ROBO2: variants seen among roughly 807,000 people sequenced by gnomAD.
ROBO2 encodes roundabout homolog 2.
ROBO2 carries 53 observed loss-of-function variants against 160.8 expected under a neutral mutation model. That is an observed-to-expected ratio of 0.33 (90% confidence interval 0.26 to 0.41). The LOEUF is 0.41. Among genes scored for constraint, ROBO2 ranks in the 10% least tolerant of loss-of-function variants. ROBO2 has a pLI of 1.00. For missense variants in ROBO2, 1,577 were observed against 1,722.4 expected (o/e 0.92, Z 1.49); for synonymous variants, 664 against 611.7 (o/e 1.09, Z -1.26).
intron 2 of ROBO2, among the ~76,000 whole-genome samples, chr3:77,406,143 G>A (rs1265703129): frequency 4.6e-5 from 7 of 152,168 alleles, no homozygotes; most frequent in African/African-American, 1.7e-4. Flanking sequence ...ATGGCTGCAG[G>A]CAAGAGAGGA....
intron 2 of ROBO2, among the ~76,000 whole-genome samples, chr3:76,924,933 G>A (rs1481771574): frequency 6.6e-6 from 1 of 152,242 alleles, no homozygotes; most frequent in South Asian, 2.1e-4. Flanking sequence ...TTGCGGCCGG[G>A]CGCGGTGGCT....
At chr3:75,999,376 T>C (rs1432308330) in intron 2 of ROBO2, among the ~76,000 whole-genome samples, 1 of 152,184 alleles carries the variant, frequency 6.6e-6, no homozygotes, top group Non-Finnish European at 1.5e-5. Flanking sequence ...TTATTTCTAT[T>C]TAACATACTT....
intron 2 of ROBO2, among the ~76,000 whole-genome samples, chr3:77,431,876 G>C (rs2078811131): frequency 6.6e-6 from 1 of 152,116 alleles, no homozygotes; most frequent in Non-Finnish European, 1.5e-5. Context: ...AATAACGTAA[G>C]TATGTTGCTT....
intron 2 of ROBO2, among the ~76,000 whole-genome samples, chr3:76,149,092 G>T (rs543941704): frequency 8.6e-5 from 13 of 150,738 alleles, no homozygotes; most frequent in East Asian, 3.9e-4. Flanking sequence ...GTTTTTTTTT[G>T]TGTGTGTGTG....
Position 76,323,138 on chromosome 3 carries a change from TACACAC to T in ROBO2, c.109+385569_109+385574del, listed in dbSNP as rs71874425. Among the ~76,000 whole-genome samples the T allele has an allele frequency of 2.9e-3, 413 of 144,022 alleles. 1 individual carries two copies. Among genetic ancestry groups the T allele is most frequent in the African/African-American group, 7.6e-3 (294 of 38,558 alleles). 94.5% of individuals were successfully genotyped at this position (144,022 alleles called of 152,430 possible). On this transcript the variant is annotated intron_variant, in intron 2 of 26. Coordinates refer to the ROBO2 transcript ENST00000487694. The stretch of plus-strand genomic sequence containing the variant: ...CAAATCTTTTACTTATTGTTAGTAT[TACACAC>T]ACACACACACACACACACACACACA...
chr3:76,482,432 C>G (rs1398277246), intron 2 of ROBO2, among the ~76,000 whole-genome samples: 2 of 152,116 alleles, frequency 1.3e-5, no homozygotes, highest in Non-Finnish European at 2.9e-5. Flanking sequence ...TAAGCCCTTA[C>G]TTTTGCAACA....
chr3:76,135,084 C>T (rs1316540900), intron 2 of ROBO2, among the ~76,000 whole-genome samples: 3 of 151,982 alleles, frequency 2.0e-5, no homozygotes, highest in Non-Finnish European at 4.4e-5. Flanking sequence ...TGGAGTTCCC[C>T]TCCAGCTGGT....
At chr3:76,778,179 G>A (rs1055462723) in intron 2 of ROBO2, among the ~76,000 whole-genome samples, 5 of 151,060 alleles carry the variant, frequency 3.3e-5, no homozygotes, top group Non-Finnish European at 5.9e-5. Context: ...AGACATTGGA[G>A]GCCATATGTC....
intron 2 of ROBO2, among the ~76,000 whole-genome samples, chr3:77,350,588 C>CT (rs968954052): frequency 2.0e-5 from 3 of 152,016 alleles, no homozygotes; most frequent in Non-Finnish European, 2.9e-5. Context: ...GAAGGACAGA[C>CT]TTTTTTTTCT....
intron 2 of ROBO2, among the ~76,000 whole-genome samples, chr3:76,939,691 A>G (rs926320855): frequency 3.9e-5 from 6 of 152,042 alleles, no homozygotes; most frequent in Admixed American, 1.3e-4. Context: ...AGCTGAGGCA[A>G]GAGAATTACT....
intron 2 of ROBO2, among the ~76,000 whole-genome samples, chr3:75,972,808 C>A (rs1471694234): frequency 6.6e-6 from 1 of 151,546 alleles, no homozygotes; most frequent in Non-Finnish European, 1.5e-5. Context: ...AGTTTGAAAA[C>A]CACTGCTGTG....
chr3:76,657,782 A>G (rs192149878), intron 2 of ROBO2, among the ~76,000 whole-genome samples: 16 of 147,710 alleles, frequency 1.1e-4, no homozygotes, highest in Admixed American at 4.8e-4. Context: ...AGGTATGTGT[A>G]TATATATGTT....
intron 2 of ROBO2, among the ~76,000 whole-genome samples, chr3:76,250,284 T>TA (rs1315230100): frequency 2.6e-5 from 4 of 152,104 alleles, no homozygotes; most frequent in African/African-American, 9.7e-5. Context: ...AATAATAGTT[T>TA]ACTGAGATTA....
chr3:76,217,637 A>G (rs962288238), intron 2 of ROBO2, among the ~76,000 whole-genome samples: 1 of 152,130 alleles, frequency 6.6e-6, no homozygotes, highest in South Asian at 2.1e-4. Flanking sequence ...TCTGAATAGA[A>G]CAATAACAGG....
intron 2 of ROBO2, among the ~76,000 whole-genome samples, chr3:75,946,598 G>T (rs1948302499): frequency 6.6e-6 from 1 of 152,052 alleles, no homozygotes; most frequent in Non-Finnish European, 1.5e-5. Flanking sequence ...TCTCTCTGAG[G>T]AGGTAATATT....
At chr3:76,454,966 A>G (rs1054218630) in intron 2 of ROBO2, among the ~76,000 whole-genome samples, 2 of 152,138 alleles carry the variant, frequency 1.3e-5, no homozygotes, top group Non-Finnish European at 2.9e-5. Flanking sequence ...AATTGAGAAT[A>G]TTCATTTGGT....
rs182161297 is a variant in ROBO2 at position 75,960,302 on chromosome 3, A to G, written c.109+22700A>G. 1.4e-4 allele frequency among the ~76,000 whole-genome samples: 21 copies of G among 151,916 alleles called. No individual in the cohort carries two copies. The East Asian group carries it at 2.2e-3, about 16-fold the overall frequency. The stretch of plus-strand genomic sequence containing the variant: ...AAAACTTAACATTTCACAATGCTCA[A>G]GTTGTTATCTATGAGTAGTTAAGTT... On this transcript the variant is annotated intron_variant, in intron 2 of 26. Coordinates refer to the ROBO2 transcript ENST00000487694.
chr3:77,228,224 T>C (rs1207525838), intron 2 of ROBO2, among the ~76,000 whole-genome samples: 1 of 152,094 alleles, frequency 6.6e-6, no homozygotes, highest in Non-Finnish European at 1.5e-5. Context: ...TGGAGTGCAG[T>C]GGCATGATCA....
chr3:76,495,921 G>C (rs2080123993), intron 2 of ROBO2, among the ~76,000 whole-genome samples: 1 of 152,142 alleles, frequency 6.6e-6, no homozygotes, highest in Admixed American at 6.6e-5. Flanking sequence ...AGAAATGTAT[G>C]CCTATTAATA....
Sources: allele counts gnomAD v4.1 joint callset (sites outside exome capture counted in the v4.1 genomes callset), GRCh38; gene constraint gnomAD v4.1.1; transcripts MANE v1.5; gene names NCBI Gene and HGNC (gene_info 2026-07-23, HGNC 2026-07-21).